OOSP1: variants seen among roughly 807,000 people sequenced by gnomAD.
The protein encoded by OOSP1 is putative oocyte-secreted protein 1 homolog.
OOSP1 carries 11 observed loss-of-function variants against 5.7 expected under a neutral mutation model. The ratio of observed to expected loss-of-function variants is 1.94; its 90% CI spans 1.22 to 3.20. The LOEUF (loss-of-function observed/expected upper bound fraction) is 3.20. Ranked by LOEUF, OOSP1 falls within the 30% of genes most tolerant of loss-of-function variation. OOSP1 has a pLI of 0.00. For missense variants in OOSP1, 83 were observed against 54.1 expected (o/e 1.53, Z -1.67); for synonymous variants, 44 against 20.0 (o/e 2.20, Z -3.20).
At chr11:59,942,301 G>A (rs1021305162) in intron 1 of OOSP1, among the ~76,000 whole-genome samples, 1 of 152,132 alleles carries the variant, frequency 6.6e-6, no homozygotes, top group Non-Finnish European at 1.5e-5. Context: ...AAAACTTAAT[G>A]TCCAGATATT....
intron 1 of OOSP1, among the ~76,000 whole-genome samples, chr11:59,940,088 T>C (rs182533285): frequency 6.6e-6 from 1 of 152,366 alleles, no homozygotes; most frequent in East Asian, 1.9e-4. Context: ...AGTGAAAGGT[T>C]GTGTATACTT....
At chr11:59,949,789 T>C (rs1462426379) in intron 4 of OOSP1, among the ~76,000 whole-genome samples, 1 of 152,128 alleles carries the variant, frequency 6.6e-6, no homozygotes, top group Non-Finnish European at 1.5e-5. Context: ...GGATGGAGAA[T>C]GGATACCAAG....
chr11:59,945,867 G>C (rs143813953), intron 3 of OOSP1, among the ~76,000 whole-genome samples: 1 of 151,780 alleles, frequency 6.6e-6, no homozygotes, highest in East Asian at 1.9e-4. Flanking sequence ...GGAGACCTCA[G>C]AGTTTTTACT....
chr11:59,940,674 TTC>T (rs1448472441), intron 1 of OOSP1, among the ~76,000 whole-genome samples: 3 of 152,204 alleles, frequency 2.0e-5, no homozygotes, highest in African/African-American at 7.2e-5. Context: ...TTTGAGTGGT[TTC>T]TTTTTGTGTG....
chr11:59,941,360 G>T (rs1590890195), intron 1 of OOSP1, among the ~76,000 whole-genome samples: 1 of 151,884 alleles, frequency 6.6e-6, no homozygotes. Context: ...TATTATAAAT[G>T]AAGCTATTGT....
Position 59,955,705 on chromosome 11 carries a change from A to G in OOSP1, c.487-1490A>G, listed in dbSNP as rs563936558. ...ATGCCTATGGCTCACTGCAGCCTCA[A>G]CATCTCAACAGTGCTCAGTGGGCTC... On this transcript the variant is annotated intron_variant, in intron 4 of 4. Transcript: ENST00000646685. 1.1e-3 allele frequency among the ~76,000 whole-genome samples: 174 copies of G among 152,126 alleles called. 1 individual carries two copies. The highest frequency in any genetic ancestry group is 4.0e-3 in the African/African-American group (168 of 41,502).
intron 3 of OOSP1, among the ~76,000 whole-genome samples, chr11:59,945,521 C>A (rs1012911898): frequency 6.6e-6 from 1 of 151,208 alleles, no homozygotes; most frequent in African/African-American, 2.4e-5. Context: ...GTGGGAGGAT[C>A]ATGAGGTCAG....
intron 2 of OOSP1, among the ~76,000 whole-genome samples, chr11:59,944,650 C>A (rs1286808021): frequency 6.6e-6 from 1 of 152,096 alleles, no homozygotes; most frequent in Non-Finnish European, 1.5e-5. Flanking sequence ...CTGAAAACAG[C>A]TATACTTCCT....
At chr11:59,948,823 G>A (rs1042865366) in intron 4 of OOSP1, 1 of 397,858 alleles carries the variant, frequency 2.5e-6, no homozygotes, top group Non-Finnish European at 4.4e-6. Context: ...GATTGCTTAG[G>A]ACTGAGGATT....
At chr11:59,946,400 C>T (rs542911629) in intron 3 of OOSP1, among the ~76,000 whole-genome samples, 5 of 152,308 alleles carry the variant, frequency 3.3e-5, no homozygotes, top group East Asian at 1.9e-4. Context: ...GGTCCACCTC[C>T]GTGACCCCAT....
intron 1 of OOSP1, among the ~76,000 whole-genome samples, chr11:59,941,803 A>G (rs1218091600): frequency 1.3e-5 from 2 of 152,158 alleles, no homozygotes; most frequent in Admixed American, 6.5e-5. Context: ...ACTGTTTTCT[A>G]GTGTGGTTGA....
chr11:59,946,195 C>T (rs1231639909), intron 3 of OOSP1, among the ~76,000 whole-genome samples: 16 of 152,288 alleles, frequency 1.1e-4, no homozygotes, highest in Middle Eastern at 3.4e-3. Context: ...CATAGGAGCA[C>T]GAACCCTATT....
At chr11:59,942,739 TTTTAGTAAGGGATGATCTCTTC>T in intron 1 of OOSP1, 86 bp from the exon 2 acceptor site, 1 of 593,206 alleles carries the variant, frequency 1.7e-6, no homozygotes, top group Non-Finnish European at 3.0e-6. Context: ...AGACATTTTG[TTTTAGTAAGGGATGATCTCTTC>T]ATTTGTATTA....
At chr11:59,944,491 T>C (rs1039721649) in intron 2 of OOSP1, among the ~76,000 whole-genome samples, 3 of 152,200 alleles carry the variant, frequency 2.0e-5, no homozygotes, top group Non-Finnish European at 4.4e-5. Context: ...CGGGAACATT[T>C]AAAATTATGT....
At chr11:59,956,132 C>A (rs1016415718) in intron 4 of OOSP1, among the ~76,000 whole-genome samples, 5 of 151,948 alleles carry the variant, frequency 3.3e-5, no homozygotes, top group African/African-American at 1.2e-4. Flanking sequence ...TCCAAGAATG[C>A]CATCATTAGG....
intron 2 of OOSP1, among the ~76,000 whole-genome samples, chr11:59,944,245 C>T (rs1412167120): frequency 6.6e-6 from 1 of 151,676 alleles, no homozygotes; most frequent in Non-Finnish European, 1.5e-5. Flanking sequence ...TATCTGGTAA[C>T]AGCATTCCTA....
chr11:59,950,341 C>G (rs929086135), intron 4 of OOSP1, among the ~76,000 whole-genome samples: 13 of 152,132 alleles, frequency 8.5e-5, no homozygotes, highest in Non-Finnish European at 1.9e-4. Flanking sequence ...AAGGTCCAGA[C>G]TGGATGTAGA....
chr11:59,956,009 T>C (rs1198435293), intron 4 of OOSP1, among the ~76,000 whole-genome samples: 7 of 152,122 alleles, frequency 4.6e-5, no homozygotes, highest in Non-Finnish European at 7.4e-5. Flanking sequence ...CTGTGCTAGG[T>C]GCTGTGAGAC....
chr11:59,943,056 C>A (rs1394370142), intron 2 of OOSP1, 28 bp downstream of exon 2: 1 of 700,812 alleles, frequency 1.4e-6, no homozygotes. Flanking sequence ...TACTTAAAAC[C>A]CAAGTGTCCA....
Sources: allele counts gnomAD v4.1 joint callset (sites outside exome capture counted in the v4.1 genomes callset), GRCh38; gene constraint gnomAD v4.1.1; transcripts MANE v1.5; gene names NCBI Gene and HGNC (gene_info 2026-07-23, HGNC 2026-07-21).